ZCCHC4: variants seen among roughly 807,000 people sequenced by gnomAD.
ZCCHC4 encodes rRNA N(6)-adenosine-methyltransferase ZCCHC4.
Under a neutral mutation model 67.7 loss-of-function variants are expected in ZCCHC4, and 54 were observed. The ratio of observed to expected loss-of-function variants is 0.80; its 90% CI spans 0.64 to 1.00. The LOEUF is 1.00. Among genes scored for constraint, ZCCHC4 ranks in the 50% least tolerant of loss-of-function variants. The pLI is 0.00. For synonymous variants in ZCCHC4, 198 were observed against 213.5 expected, an observed-to-expected ratio of 0.93 and a Z score of 0.63; for missense variants, 609 against 617.0, an observed-to-expected ratio of 0.99 and a Z score of 0.14.
At chr4:25,318,028 A>T (rs906180889) in intron 3 of ZCCHC4, among the ~76,000 whole-genome samples, 32 of 152,212 alleles carry the variant, frequency 2.1e-4, no homozygotes, top group Non-Finnish European at 4.4e-4. Flanking sequence ...CATAGTGATT[A>T]TTGAGAGAAA....
At chr4:25,364,652 C>A in intron 11 of ZCCHC4, 147 bp downstream of exon 11, 1 of 745,548 alleles carries the variant, frequency 1.3e-6, no homozygotes. Flanking sequence ...TTATAGTTAT[C>A]AGCATGTATG....
intron 12 of ZCCHC4, chr4:25,365,862 TTG>T: frequency 1.0e-6 from 1 of 985,352 alleles, no homozygotes; most frequent in Non-Finnish European, 1.2e-6. Flanking sequence ...CCGAGCTAAT[TTG>T]AATGATTATA....
At chr4:25,356,870 C>T (rs1475654124) in intron 8 of ZCCHC4, among the ~76,000 whole-genome samples, 19 of 151,992 alleles carry the variant, frequency 1.3e-4, no homozygotes, top group Admixed American at 1.2e-3. Context: ...TGTATGCTAG[C>T]CTCTAATAGA....
In ZCCHC4 at chr4:25,369,263, G is replaced by T. The variant is rs1721058598; in HGVS notation, c.*99G>T. 4 of 1,531,724 alleles carry T rather than the reference G, an allele frequency of 2.6e-6. No individual in the cohort carries two copies. Among genetic ancestry groups the T allele is most frequent in the Non-Finnish European group, 3.5e-6 (4 of 1,130,668 alleles). 94.9% of individuals were successfully genotyped at this position (1,531,724 alleles called of 1,614,324 possible). ...GACTTAAATTCAGCTGCTTCCAGAGGTGTGCACCTTTCTGAGCTAGATAAC... is the reference window on the plus strand; with the variant it reads ...GACTTAAATTCAGCTGCTTCCAGAGTTGTGCACCTTTCTGAGCTAGATAAC... On this transcript the variant is annotated 3_prime_UTR_variant, in exon 13 of 13. Transcript: ENST00000302874.
intron 11 of ZCCHC4, 140 bp downstream of exon 11, chr4:25,364,645 T>C (rs1720873949): frequency 1.3e-6 from 1 of 785,956 alleles, no homozygotes; most frequent in Admixed American, 3.2e-5. Flanking sequence ...TTTAATTTTA[T>C]AGTTATCAGC....
intron 5 of ZCCHC4, among the ~76,000 whole-genome samples, chr4:25,337,526 A>C (rs1719515777): frequency 6.6e-6 from 1 of 152,188 alleles, no homozygotes; most frequent in Non-Finnish European, 1.5e-5. Flanking sequence ...GGCTGGGGTC[A>C]CTTGCCTATT....
At chr4:25,330,137 T>C (rs1719104657) in intron 3 of ZCCHC4, among the ~76,000 whole-genome samples, 1 of 151,804 alleles carries the variant, frequency 6.6e-6, no homozygotes, top group Non-Finnish European at 1.5e-5. Context: ...ATTACAGGTG[T>C]GCTCCACCAC....
At chr4:25,357,958 C>T (rs1047887400) in intron 8 of ZCCHC4, among the ~76,000 whole-genome samples, 2 of 152,146 alleles carry the variant, frequency 1.3e-5, no homozygotes, top group African/African-American at 4.8e-5. Context: ...TATTGCTGAT[C>T]CAGACACCAC....
At chr4:25,360,315 C>A (rs75479833) in intron 8 of ZCCHC4, among the ~76,000 whole-genome samples, 2,634 of 152,360 alleles carry the variant, frequency 0.017, 99 homozygotes, top group East Asian at 0.15. Context: ...CGGGCATATG[C>A]CCTATAGGTA....
intron 8 of ZCCHC4, 27 bp from the exon 9 acceptor site, chr4:25,361,832 T>C (rs1324523069): frequency 1.3e-6 from 2 of 1,575,244 alleles, no homozygotes; most frequent in Admixed American, 1.8e-5. Flanking sequence ...GTAAATTTTC[T>C]TTCTGCTCTA....
intron 3 of ZCCHC4, among the ~76,000 whole-genome samples, chr4:25,330,789 G>A (rs930262918): frequency 1.3e-5 from 2 of 152,166 alleles, no homozygotes; most frequent in African/African-American, 2.4e-5. Context: ...CTTGTTGGGA[G>A]ACAAACCATT....
intron 8 of ZCCHC4, among the ~76,000 whole-genome samples, chr4:25,358,245 A>AT (rs1720589455): frequency 6.6e-6 from 1 of 152,116 alleles, no homozygotes. Context: ...CTTCATCTCC[A>AT]TTTTTTACCT....
In ZCCHC4 at chr4:25,312,953, G is replaced by A. The variant is rs1477792979; in HGVS notation, c.127+17G>A. On this transcript the variant is annotated intron_variant, in intron 1 of 12. Transcript: ENST00000302874. ...GCCCTCACGGTGGGTCAGAGTCTGGGCTCAGCCTAACTGCCGGGCGCTGAG... is the reference window on the plus strand; with the variant it reads ...GCCCTCACGGTGGGTCAGAGTCTGGACTCAGCCTAACTGCCGGGCGCTGAG... 3 of 1,610,342 alleles carry A rather than the reference G, an allele frequency of 1.9e-6. No individual in the cohort carries two copies. The highest frequency in any genetic ancestry group is 2.7e-5 in the African/African-American group (2 of 74,854).
chr4:25,337,663 C>T (rs114337035), intron 5 of ZCCHC4, among the ~76,000 whole-genome samples: 9 of 152,104 alleles, frequency 5.9e-5, no homozygotes, highest in African/African-American at 2.2e-4. Flanking sequence ...GCTGGAGAGA[C>T]AAAAAACCAG....
intron 3 of ZCCHC4, among the ~76,000 whole-genome samples, chr4:25,325,303 C>CTTTT (rs1450814763): frequency 4.0e-4 from 46 of 114,998 alleles, no homozygotes; most frequent in African/African-American, 1.2e-3. Flanking sequence ...TTTTCACTCT[C>CTTTT]TCTTTTTTTT....
intron 2 of ZCCHC4, 57 bp from the exon 3 acceptor site, chr4:25,315,261 C>A: frequency 6.8e-7 from 1 of 1,470,974 alleles, no homozygotes; most frequent in South Asian, 1.2e-5. Flanking sequence ...GATGCCAGTT[C>A]TTCTAGGATG....
At chr4:25,344,845 C>T (rs1329708701) in intron 5 of ZCCHC4, among the ~76,000 whole-genome samples, 2 of 150,964 alleles carry the variant, frequency 1.3e-5, no homozygotes, top group African/African-American at 4.9e-5. Flanking sequence ...CTATAGCGTC[C>T]CGGCTGGAGT....
Position 25,315,354 on chromosome 4 carries a change from A to G in ZCCHC4, c.283A>G (p.Asn95Asp). Residue 95 changes from asparagine to aspartate, a missense_variant, in exon 3 of 13, where the codon AAC becomes GAC. Coordinates refer to ENST00000302874, the MANE Select transcript of ZCCHC4 (RefSeq NM_024936.3). The part of the protein sequence containing the change: ...GARLAAREAH[N>D]RRCQPPLSRT... Reference sequence around the variant, plus strand: ...TAGACTTGCTGCCCGAGAAGCTCATAACCGAAGATGTCAGCCTCCCCTGTC... The same window carrying G: ...TAGACTTGCTGCCCGAGAAGCTCATGACCGAAGATGTCAGCCTCCCCTGTC... The G allele has an allele frequency of 6.2e-7, 1 of 1,613,132 alleles. No homozygotes were observed. Among genetic ancestry groups the G allele is most frequent in the Non-Finnish European group, 8.5e-7 (1 of 1,179,426 alleles).
intron 3 of ZCCHC4, among the ~76,000 whole-genome samples, chr4:25,324,065 G>A (rs1264908455): frequency 8.1e-6 from 1 of 123,242 alleles, no homozygotes; most frequent in African/African-American, 3.1e-5. Context: ...AGGCTGGAGT[G>A]CAATGGTGCA....
Sources: gnomAD v4.1 joint callset for allele counts (sites outside exome capture counted in the v4.1 genomes callset) on GRCh38, gnomAD v4.1.1 for gene constraint, MANE v1.5 for transcripts, NCBI Gene and HGNC (gene_info 2026-07-23, HGNC 2026-07-21) for gene names.